The following VPS35L variants were observed in gnomAD, a reference collection of about 807,000 sequenced individuals.
VPS35L encodes the protein VPS35 endosomal protein sorting factor like.
VPS35L carries 83 observed loss-of-function variants against 133.0 expected under a neutral mutation model. That is an observed-to-expected ratio of 0.62 (90% CI 0.52 to 0.75). VPS35L has a LOEUF of 0.75. VPS35L is among the 30% of genes least tolerant of loss of function. The pLI, the probability that VPS35L is intolerant of heterozygous loss-of-function variation, is 0.00. For synonymous variants in VPS35L, 423 were observed against 449.9 expected (o/e 0.94, Z 0.76); for missense variants, 1,083 against 1,206.8 (o/e 0.90, Z 1.52).
Position 19,688,593 on chromosome 16 carries a change from C to T in VPS35L, c.2528-2760C>T, listed in dbSNP as rs140892147. On this transcript the variant is annotated intron_variant, in intron 28 of 30. Coordinates refer to ENST00000417362, the MANE Select transcript of VPS35L (RefSeq NM_020314.7). Reference sequence around the variant, plus strand: ...GTGCCAGGTGAGAAGCAGCGAGTGCCGCCGCCGCACCGTCCCCCTTCCTGA... The same window carrying T: ...GTGCCAGGTGAGAAGCAGCGAGTGCTGCCGCCGCACCGTCCCCCTTCCTGA... Among the ~76,000 whole-genome samples, 324 of 152,276 alleles carry T rather than the reference C, an allele frequency of 2.1e-3. 1 individual carries two copies. The highest frequency in any genetic ancestry group is 7.2e-3 in the African/African-American group (301 of 41,562).
intron 26 of VPS35L, among the ~76,000 whole-genome samples, chr16:19,666,321 T>C (rs1013825746): frequency 6.6e-6 from 1 of 152,198 alleles, no homozygotes; most frequent in African/African-American, 2.4e-5. Context: ...CGTTATATCT[T>C]AAATGAGCTT....
At chr16:19,563,283 A>G (rs1040522081) in intron 1 of VPS35L, among the ~76,000 whole-genome samples, 5 of 151,414 alleles carry the variant, frequency 3.3e-5, no homozygotes, top group African/African-American at 1.2e-4. Flanking sequence ...CAGCCTGGGC[A>G]ACATAGGAAG....
intron 11 of VPS35L, 21 bp from the exon 12 acceptor site, chr16:19,610,301 G>T (rs1025428851): frequency 6.2e-7 from 1 of 1,601,908 alleles, no homozygotes. Flanking sequence ...TATAATGCTG[G>T]CCTGTTTTTG....
intron 12 of VPS35L, among the ~76,000 whole-genome samples, chr16:19,613,566 G>A (rs1972793824): frequency 6.6e-6 from 1 of 152,018 alleles, no homozygotes; most frequent in African/African-American, 2.4e-5. Context: ...GGCCCATAGC[G>A]GCCTCTGGCT....
At chr16:19,630,326 G>GTTTTTTTTTT (rs201807727) in intron 18 of VPS35L, among the ~76,000 whole-genome samples, 5 of 106,516 alleles carry the variant, frequency 4.7e-5, no homozygotes, top group East Asian at 2.8e-4. Flanking sequence ...AGTCCTAAAA[G>GTTTTTTTTTT]TTTTTTTTTT....
chr16:19,580,531 G>A (rs1371812633), intron 6 of VPS35L, among the ~76,000 whole-genome samples: 1 of 152,140 alleles, frequency 6.6e-6, no homozygotes, highest in African/African-American at 2.4e-5. Context: ...TGAGTTGTGT[G>A]AAGAGCCTCT....
chr16:19,573,358 T>C, intron 4 of VPS35L, 117 bp downstream of exon 4: 1 of 1,211,566 alleles, frequency 8.3e-7, no homozygotes, highest in East Asian at 2.5e-5. Context: ...ATTTTTCTAC[T>C]TCTCTTAAAA....
At chr16:19,648,915 A>C (rs1156768121) in intron 24 of VPS35L, among the ~76,000 whole-genome samples, 2 of 151,402 alleles carry the variant, frequency 1.3e-5, no homozygotes, top group East Asian at 3.9e-4. Context: ...CAGACAACTT[A>C]AGTATTTATG....
intron 12 of VPS35L, among the ~76,000 whole-genome samples, chr16:19,614,771 A>G (rs1284812162): frequency 2.6e-5 from 4 of 152,228 alleles, no homozygotes; most frequent in African/African-American, 4.8e-5. Flanking sequence ...TGAGGAGCTC[A>G]GTTTAAGAAA....
intron 14 of VPS35L, among the ~76,000 whole-genome samples, chr16:19,621,587 G>A (rs1025631449): frequency 2.6e-5 from 4 of 152,306 alleles, no homozygotes; most frequent in Admixed American, 6.5e-5. Context: ...TTTTTCAGTG[G>A]TTGATCCCAG....
intron 5 of VPS35L, among the ~76,000 whole-genome samples, chr16:19,577,188 A>G (rs1971565872): frequency 6.6e-6 from 1 of 152,196 alleles, no homozygotes; most frequent in South Asian, 2.1e-4. Flanking sequence ...TCCACAGGCT[A>G]TATAAGAAGC....
intron 27 of VPS35L, among the ~76,000 whole-genome samples, chr16:19,673,484 C>G (rs755859235): frequency 1.1e-4 from 16 of 152,184 alleles, no homozygotes; most frequent in Middle Eastern, 3.2e-3. Flanking sequence ...CACTTGGCCC[C>G]TTAGGCATTT....
intron 28 of VPS35L, among the ~76,000 whole-genome samples, chr16:19,687,566 T>C (rs1270460433): frequency 6.6e-6 from 1 of 152,156 alleles, no homozygotes; most frequent in Non-Finnish European, 1.5e-5. Context: ...AAAGGAAACC[T>C]TGGGGAAGTA....
At chr16:19,681,608 C>T (rs938814003) in intron 27 of VPS35L, among the ~76,000 whole-genome samples, 1 of 152,208 alleles carries the variant, frequency 6.6e-6, no homozygotes, top group Non-Finnish European at 1.5e-5. Context: ...CTTTTTTACA[C>T]CCCAAAACTT....
intron 11 of VPS35L, among the ~76,000 whole-genome samples, chr16:19,609,412 A>G (rs1257441143): frequency 6.6e-6 from 1 of 152,142 alleles, no homozygotes; most frequent in Admixed American, 6.5e-5. Context: ...TGGGTCACAC[A>G]TGCAACAATG....
chr16:19,645,128 A>G (rs1973899521), intron 23 of VPS35L, among the ~76,000 whole-genome samples, 179 bp downstream of exon 23: 2 of 151,934 alleles, frequency 1.3e-5, no homozygotes, highest in South Asian at 4.2e-4. Context: ...GAGAGCCAAG[A>G]CAAACTGGCT....
At chr16:19,623,936 T>C (rs1013485225) in intron 14 of VPS35L, among the ~76,000 whole-genome samples, 2 of 150,152 alleles carry the variant, frequency 1.3e-5, no homozygotes, top group Non-Finnish European at 3.0e-5. Flanking sequence ...TCTGACTAGC[T>C]GGGACTATAA....
chr16:19,690,726 G>A (rs1362375493), intron 28 of VPS35L, among the ~76,000 whole-genome samples: 7 of 152,240 alleles, frequency 4.6e-5, no homozygotes, highest in Non-Finnish European at 1.5e-5. Flanking sequence ...CGAGGCAGGC[G>A]GATCACTTGA....
intron 1 of VPS35L, among the ~76,000 whole-genome samples, chr16:19,559,734 C>G (rs968887888): frequency 6.6e-5 from 10 of 151,262 alleles, no homozygotes; most frequent in Admixed American, 3.3e-4. Context: ...TTTTGAGATG[C>G]AGTCTCGCCT....
Sources: gnomAD v4.1 joint callset for allele counts (sites outside exome capture counted in the v4.1 genomes callset) on GRCh38, gnomAD v4.1.1 for gene constraint, MANE v1.5 for transcripts, NCBI Gene and HGNC (gene_info 2026-07-23, HGNC 2026-07-21) for gene names.